Variants in DCX observed in about 807,000 individuals in gnomAD.
The protein encoded by DCX is neuronal migration protein doublecortin.
DCX carries 4 observed loss-of-function variants against 20.9 expected under a neutral mutation model. The observed-to-expected ratio is 0.19, with a 90% CI of 0.09 to 0.44. The LOEUF is 0.44. Ranked by LOEUF, DCX falls within the 20% of genes least tolerant of loss-of-function variation. DCX has a pLI of 0.99. For synonymous variants in DCX, 103 were observed against 111.4 expected, an observed-to-expected ratio of 0.92 and a Z score of 0.47; for missense variants, 133 against 296.9, an observed-to-expected ratio of 0.45 and a Z score of 4.06.
intron 3 of DCX, among the ~76,000 whole-genome samples, chrX:111,371,933 T>TACACACAC (rs56304092): frequency 6.6e-4 from 64 of 97,484 alleles, no homozygotes; most frequent in African/African-American, 8.0e-4. Flanking sequence ...GATATATGTG[T>TACACACAC]ACACACACAC....
intron 6 of DCX, among the ~76,000 whole-genome samples, chrX:111,307,854 T>C (rs1392399586): frequency 9.0e-6 from 1 of 111,463 alleles, no homozygotes; most frequent in Non-Finnish European, 1.9e-5. Flanking sequence ...AAAAATTATC[T>C]GAGAAGATTG....
intron 5 of DCX, among the ~76,000 whole-genome samples, chrX:111,318,061 T>C (rs1369610357): frequency 9.3e-6 from 1 of 106,956 alleles, no homozygotes; most frequent in African/African-American, 3.4e-5. Context: ...GGCGTGCACC[T>C]GTAATCCCAG....
At chrX:111,353,690 G>T (rs1837606757) in intron 3 of DCX, among the ~76,000 whole-genome samples, 1 of 111,294 alleles carries the variant, frequency 9.0e-6, no homozygotes, top group Admixed American at 9.6e-5. Flanking sequence ...CAAGGAAGTT[G>T]TCTTAATTCA....
intron 3 of DCX, among the ~76,000 whole-genome samples, chrX:111,346,368 T>C (rs919878009): frequency 8.9e-6 from 1 of 112,612 alleles, no homozygotes; most frequent in African/African-American, 3.2e-5. Flanking sequence ...TGGAATATTA[T>C]TCAGCTACAA....
At position 111,301,640 on chromosome X, in the gene DCX, T is replaced by C; in HGVS notation, c.*47A>G. 1 of 1,168,115 alleles carries C rather than the reference T, an allele frequency of 8.6e-7. No individual in the cohort carries two copies. The highest frequency in any genetic ancestry group is 1.2e-6 in the Non-Finnish European group (1 of 855,790). ...CTTGAGCAGAAGTACCCTACTACAATGATAGGCTTGGATTTGTACTCTGGA... is the reference window on the plus strand; with the variant it reads ...CTTGAGCAGAAGTACCCTACTACAACGATAGGCTTGGATTTGTACTCTGGA... On this transcript the variant is annotated 3_prime_UTR_variant, in exon 7 of 7. Transcript: ENST00000636035.
intron 5 of DCX, among the ~76,000 whole-genome samples, chrX:111,321,539 A>G (rs1386374369): frequency 1.8e-5 from 2 of 111,263 alleles, no homozygotes; most frequent in South Asian, 3.9e-4. Context: ...TATATGGGGG[A>G]AAATGGGTCC....
chrX:111,371,298 C>T (rs1214701493), intron 3 of DCX, among the ~76,000 whole-genome samples: 1 of 112,052 alleles, frequency 8.9e-6, no homozygotes, highest in African/African-American at 3.2e-5. Context: ...AATCACTGTT[C>T]TCTTCTGATT....
intron 3 of DCX, among the ~76,000 whole-genome samples, chrX:111,368,191 T>C (rs767389904): frequency 1.8e-5 from 2 of 111,445 alleles, no homozygotes; most frequent in South Asian, 7.7e-4. Context: ...TACCACCTTC[T>C]GAAATTACAG....
chrX:111,316,079 T>TAAAA (rs1430738484), intron 5 of DCX, among the ~76,000 whole-genome samples: 2 of 23,985 alleles, frequency 8.3e-5, no homozygotes, highest in East Asian at 9.3e-4. Context: ...TAGAGTATAA[T>TAAAA]AAAAAATAAA....
At chrX:111,310,823 T>A (rs1238861751) in intron 6 of DCX, among the ~76,000 whole-genome samples, 1 of 112,279 alleles carries the variant, frequency 8.9e-6, no homozygotes, top group Non-Finnish European at 1.9e-5. Flanking sequence ...AAGCTATAAG[T>A]GTCTGCAAGC....
chrX:111,309,792 T>G lies in DCX; in HGVS notation c.1044+2847A>C, dbSNP rs772152738. 4.5e-5 allele frequency among the ~76,000 whole-genome samples: 5 copies of G among 111,700 alleles called. No individual in the cohort carries two copies. In the East Asian group the frequency reaches 1.1e-3, roughly 25 times the overall value. On this transcript the variant is annotated intron_variant, in intron 6 of 6. Coordinates refer to ENST00000636035, the MANE Select transcript of DCX (RefSeq NM_001195553.2). The stretch of plus-strand genomic sequence containing the variant: ...CAGATTAAAGAAGACTAAAGAGACA[T>G]GAGAACTTGCAACATGTGATTCTAG...
intron 3 of DCX, among the ~76,000 whole-genome samples, chrX:111,338,100 G>T (rs774012090): frequency 5.4e-4 from 60 of 112,123 alleles, no homozygotes; most frequent in African/African-American, 1.9e-3. Context: ...ACAAAGGTAG[G>T]TACCTTTTTC....
At position 111,330,126 on chromosome X, in the gene DCX, A is replaced by C. The variant is rs143677277; in HGVS notation, c.946+778T>G. 2.8e-3 allele frequency among the ~76,000 whole-genome samples: 318 copies of C among 112,293 alleles called. 3 individuals are homozygous for C. Among genetic ancestry groups the C allele is most frequent in the African/African-American group, 9.8e-3 (303 of 30,927 alleles). On this transcript the variant is annotated intron_variant, in intron 5 of 6. Coordinates refer to ENST00000636035, the MANE Select transcript of DCX (RefSeq NM_001195553.2). ...TAGGGTTCACATCAGAATGCAAATC[A>C]ACATACTGCTGCCTTCATCAATAAA...
intron 3 of DCX, among the ~76,000 whole-genome samples, chrX:111,375,818 A>G (rs1451135257): frequency 8.9e-6 from 1 of 112,279 alleles, no homozygotes; most frequent in African/African-American, 3.2e-5. Context: ...CAAATTCATT[A>G]GGTTTTCTCC....
intron 6 of DCX, among the ~76,000 whole-genome samples, chrX:111,305,219 A>C (rs1173867389): frequency 1.8e-5 from 2 of 112,142 alleles, no homozygotes; most frequent in East Asian, 5.6e-4. Flanking sequence ...GACACTAGAA[A>C]GTAATTCAAA....
chrX:111,400,917 T>C (rs1927720479), intron 3 of DCX, 73 bp downstream of exon 3: 1 of 951,536 alleles, frequency 1.1e-6, no homozygotes, highest in South Asian at 2.0e-5. Context: ...CAACAAGAAA[T>C]GATATTTTAG....
At chrX:111,351,429 GA>G (rs1319792959) in intron 3 of DCX, among the ~76,000 whole-genome samples, 2 of 112,292 alleles carry the variant, frequency 1.8e-5, no homozygotes, top group African/African-American at 6.5e-5. Context: ...ATATCTTTTA[GA>G]ATTCAACTGC....
intron 6 of DCX, among the ~76,000 whole-genome samples, 155 bp from the exon 7 acceptor site, chrX:111,301,898 T>C (rs2095035103): frequency 8.9e-6 from 1 of 112,262 alleles, no homozygotes; most frequent in East Asian, 2.8e-4. Context: ...GAGGTACCCT[T>C]GTACCAATGT....
At chrX:111,320,909 T>A (rs1462383554) in intron 5 of DCX, among the ~76,000 whole-genome samples, 1 of 110,416 alleles carries the variant, frequency 9.1e-6, no homozygotes, top group Non-Finnish European at 1.9e-5. Flanking sequence ...AAGATTTGAA[T>A]GTAAGTCTCT....
Sources: gnomAD v4.1 joint callset for allele counts (sites outside exome capture counted in the v4.1 genomes callset) on GRCh38, gnomAD v4.1.1 for gene constraint, MANE v1.5 for transcripts, NCBI Gene and HGNC (gene_info 2026-07-23, HGNC 2026-07-21) for gene names.